Variants in GALNTL5 observed in about 807,000 individuals in gnomAD.
GALNTL5 encodes polypeptide N-acetylgalactosaminyltransferase like 5.
A neutral mutation model predicts 51.0 loss-of-function variants in GALNTL5; 44 were observed. The observed-to-expected ratio is 0.86, with a 90% CI of 0.68 to 1.11. The LOEUF (loss-of-function observed/expected upper bound fraction) is 1.11, where lower values mean the gene tolerates loss of function less well. Among genes scored for constraint, GALNTL5 ranks in the 50% least tolerant of loss-of-function variants. GALNTL5 has a pLI of 0.00. For synonymous variants in GALNTL5, 192 were observed against 182.8 expected (o/e 1.05, Z -0.41); for missense variants, 528 against 531.8 (o/e 0.99, Z 0.07).
At chr7:151,984,390 A>T (rs1047386576) in intron 4 of GALNTL5, among the ~76,000 whole-genome samples, 1 of 152,192 alleles carries the variant, frequency 6.6e-6, no homozygotes, top group African/African-American at 2.4e-5. Context: ...ATCCACTCTA[A>T]ATGTGACCCA....
rs1180356872 is a variant in GALNTL5 at position 151,962,072 on chromosome 7, G to A, written c.-39-5136G>A. Among the ~76,000 whole-genome samples the A allele has an allele frequency of 3.4e-5, 5 of 146,934 alleles. No individual in the cohort carries two copies. In the Admixed American group the frequency reaches 3.4e-4, roughly 10 times the overall value. ...GGCTGGAGTGCAGTGGTGTGATCTC[G>A]GCTCACTGCAACCTCCAACTCCCGG... On this transcript the variant is annotated intron_variant, in intron 1 of 8. Transcript: ENST00000392800.
chr7:152,005,624 C>T (rs1293998728), intron 6 of GALNTL5, among the ~76,000 whole-genome samples: 1 of 152,020 alleles, frequency 6.6e-6, no homozygotes, highest in Non-Finnish European at 1.5e-5. Flanking sequence ...GCCAGAAGGA[C>T]CTACTAAACC....
chr7:151,998,019 C>G (rs753384214), intron 5 of GALNTL5, among the ~76,000 whole-genome samples: 3 of 151,978 alleles, frequency 2.0e-5, no homozygotes, highest in Non-Finnish European at 4.4e-5. Flanking sequence ...CCTGACAACA[C>G]AGTGAGACAC....
At chr7:151,962,585 G>A (rs1445700771) in intron 1 of GALNTL5, among the ~76,000 whole-genome samples, 1 of 147,650 alleles carries the variant, frequency 6.8e-6, no homozygotes, top group Non-Finnish European at 1.5e-5. Context: ...TGCATTCAAT[G>A]TCCTGGGTCC....
intron 6 of GALNTL5, among the ~76,000 whole-genome samples, chr7:152,003,692 C>T (rs1024936286): frequency 4.6e-5 from 7 of 152,110 alleles, no homozygotes; most frequent in South Asian, 2.1e-4. Flanking sequence ...GAAATCTCAA[C>T]TTAATAAAAA....
At position 151,985,422 on chromosome 7, in the gene GALNTL5, G is replaced by C. The variant is rs116535394; in HGVS notation, c.536-1737G>C. Among the ~76,000 whole-genome samples, 977 of 152,272 alleles carry C rather than the reference G, an allele frequency of 6.4e-3. 13 individuals are homozygous for C. Among genetic ancestry groups the C allele is most frequent in the African/African-American group, 0.023 (948 of 41,538 alleles). ...GACTAGGGTGTTCTAGGCTCTGATGGAGCTCAGGTTGACACCTTCCTCCTT... is the reference window on the plus strand; with the variant it reads ...GACTAGGGTGTTCTAGGCTCTGATGCAGCTCAGGTTGACACCTTCCTCCTT... On this transcript the variant is annotated intron_variant, in intron 4 of 8. Coordinates refer to ENST00000392800, the MANE Select transcript of GALNTL5 (RefSeq NM_145292.4).
chr7:151,985,187 T>A (rs895855277), intron 4 of GALNTL5, among the ~76,000 whole-genome samples: 1 of 152,152 alleles, frequency 6.6e-6, no homozygotes, highest in Non-Finnish European at 1.5e-5. Context: ...AATACCATCA[T>A]ACTGAGGGGT....
rs772386569 is a variant in GALNTL5 at position 151,987,266 on chromosome 7, G to A, written c.643G>A (p.Ala215Thr). 6 of 1,577,698 alleles carry A rather than the reference G, an allele frequency of 3.8e-6. No individual in the cohort carries two copies. In the Admixed American group the frequency reaches 1.2e-4, roughly 31 times the overall value. The change falls in exon 5 of 9, where the codon GCT (alanine) becomes ACT (threonine). Residue 215 changes from alanine to threonine, a missense_variant. Transcript: ENST00000392800. ...GCTGATTCGAGCAAGGCTGATTGGA[G>A]CTTCTCATGCTTCAGGTAGGAACAT... Reference protein sequence around the residue: ...EGLIRARLIGASHASGDVLVF... With the variant: ...EGLIRARLIGTSHASGDVLVF...
chr7:151,970,580 C>T (rs189259166), intron 2 of GALNTL5: 86 of 194,738 alleles, frequency 4.4e-4, no homozygotes, highest in African/African-American at 2.0e-3. Flanking sequence ...TGGCATCCCC[C>T]GCTCCTTGCT....
intron 7 of GALNTL5, among the ~76,000 whole-genome samples, chr7:152,011,597 A>T (rs1471792924): frequency 1.3e-5 from 2 of 152,216 alleles, no homozygotes; most frequent in East Asian, 3.8e-4. Flanking sequence ...CCTCTTAGAT[A>T]TCAATGCCAG....
chr7:152,000,292 A>C (rs1396209482), intron 5 of GALNTL5, among the ~76,000 whole-genome samples: 2 of 152,204 alleles, frequency 1.3e-5, no homozygotes, highest in African/African-American at 2.4e-5. Flanking sequence ...CTCAGCAGAG[A>C]AGCTGGAGAC....
At chr7:151,971,779 C>T (rs2081147202) in intron 3 of GALNTL5, among the ~76,000 whole-genome samples, 1 of 152,128 alleles carries the variant, frequency 6.6e-6, no homozygotes, top group South Asian at 2.1e-4. Context: ...TGAGGGAGTT[C>T]TCATGAGACC....
In GALNTL5 at chr7:151,991,180, C is replaced by A. The variant is rs954285273; in HGVS notation, c.658+3899C>A. ...TCATCTCGGCTCACTGCAACCTCAG[C>A]CTCCCGGGTTCAAGTGATTCTCCTG... is the stretch of plus-strand genomic sequence containing the variant. On this transcript the variant is annotated intron_variant, in intron 5 of 8. Coordinates refer to ENST00000392800, the MANE Select transcript of GALNTL5 (RefSeq NM_145292.4). Among the ~76,000 whole-genome samples the A allele has an allele frequency of 2.6e-5, 4 of 152,190 alleles. No homozygotes were observed. The East Asian group carries it at 7.7e-4, about 29-fold the overall frequency.
chr7:152,017,702 TATAAACATATCTC>T (rs1373249690), intron 8 of GALNTL5, among the ~76,000 whole-genome samples: 1 of 152,178 alleles, frequency 6.6e-6, no homozygotes, highest in Non-Finnish European at 1.5e-5. Context: ...AATCAGAACA[TATAAACATATCTC>T]ATTTTTTTAA....
At position 152,002,905 on chromosome 7, in the gene GALNTL5, T is replaced by C; in HGVS notation, c.850T>C (p.Trp284Arg). 1 of 1,613,904 alleles carries C rather than the reference T, an allele frequency of 6.2e-7. No individual in the cohort carries two copies. The highest frequency in any genetic ancestry group is 1.1e-5 in the South Asian group (1 of 91,074). The change falls in exon 6 of 9, where the codon TGG becomes CGG. Residue 284 changes from tryptophan (W) to arginine (R), a missense_variant. Trp to Arg is a moderately radical substitution (Grantham distance 101). Coordinates refer to ENST00000392800, the MANE Select transcript of GALNTL5 (RefSeq NM_145292.4). Reference protein sequence around the residue: ...GTFDWNLQFKWDNVFSYEMDG... With the variant: ...GTFDWNLQFKRDNVFSYEMDG... Reference sequence around the variant, plus strand: ...TTTTGATTGGAACCTACAATTTAAATGGGATAATGTTTTCTCTTATGAGAT... The same window carrying C: ...TTTTGATTGGAACCTACAATTTAAACGGGATAATGTTTTCTCTTATGAGAT...
intron 1 of GALNTL5, among the ~76,000 whole-genome samples, chr7:151,965,966 A>G (rs943168092): frequency 6.6e-6 from 1 of 152,032 alleles, no homozygotes; most frequent in African/African-American, 2.4e-5. Context: ...TAAATTCACT[A>G]TTATATATAT....
intron 7 of GALNTL5, 103 bp downstream of exon 7, chr7:152,008,047 A>C: frequency 2.9e-6 from 2 of 698,148 alleles, no homozygotes; most frequent in African/African-American, 1.8e-5. Flanking sequence ...ATGAACATCC[A>C]GTACCATTCC....
chr7:151,970,160 C>A (rs1437319289), intron 2 of GALNTL5, among the ~76,000 whole-genome samples: 1 of 149,940 alleles, frequency 6.7e-6, no homozygotes, highest in Non-Finnish European at 1.5e-5. Context: ...GGGGGGCCCC[C>A]ACCAATAGAC....
At chr7:152,010,325 A>T (rs2081714690) in intron 7 of GALNTL5, among the ~76,000 whole-genome samples, 1 of 151,968 alleles carries the variant, frequency 6.6e-6, no homozygotes, top group Admixed American at 6.6e-5. Context: ...GTTGGCCAGG[A>T]TGGTCTTGAT....
Sources: allele counts gnomAD v4.1 joint callset (sites outside exome capture counted in the v4.1 genomes callset), GRCh38; gene constraint gnomAD v4.1.1; transcripts MANE v1.5; gene names NCBI Gene and HGNC (gene_info 2026-07-23, HGNC 2026-07-21).